PHF1: variants seen among roughly 807,000 people sequenced by gnomAD.
PHF1 encodes the protein PHD finger protein 1.
Under a neutral mutation model 69.4 loss-of-function variants are expected in PHF1, and 16 were observed. That is an observed-to-expected ratio of 0.23 (90% confidence interval 0.16 to 0.35). The LOEUF is 0.35. Ranked by LOEUF, PHF1 falls within the 10% of genes least tolerant of loss-of-function variation. PHF1 has a pLI of 1.00. For synonymous variants in PHF1, 274 were observed against 275.0 expected, an observed-to-expected ratio of 1.00 and a Z score of 0.04; for missense variants, 515 against 732.8, an observed-to-expected ratio of 0.70 and a Z score of 3.43.
intron 14 of PHF1, 67 bp from the exon 15 acceptor site, chr6:33,415,743 A>G (rs76139322): frequency 0.012 from 19,401 of 1,603,832 alleles, 280 homozygotes; most frequent in African/African-American, 0.057. Flanking sequence ...AGTCTCTAAC[A>G]CTGTTTCTCT....
At position 33,415,600 on chromosome 6, in the gene PHF1, C is replaced by G; in HGVS notation, c.1345C>G (p.Arg449Gly). The change falls in exon 14 of 15, where the codon CGG (arginine) becomes GGG (glycine). Residue 449 changes from arginine to glycine, a missense_variant. Transcript: ENST00000374516. ...DARCLPSSPI[R>G]MFASFHPSAS... ...CCACTCCAACCCCAGCAGCCCCATC[C>G]GGATGTTTGCTTCCTTCCACCCTTC... 2 of 1,614,014 alleles carry G rather than the reference C, an allele frequency of 1.2e-6. No individual in the cohort carries two copies. The highest frequency in any genetic ancestry group is 1.7e-6 in the Non-Finnish European group (2 of 1,179,948).
rs576149310 is a variant in PHF1 at position 33,412,164 on chromosome 6, G to GAA, written c.-16-69_-16-68dup. Reference sequence around the variant, plus strand: ...GCGACAGAGCAAAACTCCATCTCAGGAAAAAAAAAAAAAAAAGAAAAAGAA... The same window carrying GAA: ...GCGACAGAGCAAAACTCCATCTCAGGAAAAAAAAAAAAAAAAAAGAAAAAGAA... On this transcript the variant is annotated intron_variant, in intron 1 of 14. Transcript: ENST00000374516. The surrounding 1 kb of genome is among the most constrained non-coding windows in gnomAD (Gnocchi z 4.2). The GAA allele has an allele frequency of 4.8e-3, 3,929 of 820,730 alleles. No individual in the cohort carries two copies. The highest frequency in any genetic ancestry group is 0.01 in the African/African-American group (509 of 50,680). The allele number at this position is 820,730 out of a possible 1,614,324, so 50.8% of individuals were successfully genotyped here.
intron 13 of PHF1, 53 bp from the exon 14 acceptor site, chr6:33,415,537 A>T: frequency 3.2e-6 from 5 of 1,567,176 alleles, no homozygotes; most frequent in Non-Finnish European, 3.5e-6. Context: ...TCCCAGGGGG[A>T]GAAGGTCCTG....
Position 33,415,074 on chromosome 6 carries a change from C to T in PHF1, c.1169C>T (p.Pro390Leu), listed in dbSNP as rs1245224372. 1.2e-6 allele frequency: 2 copies of T among 1,611,710 alleles called. No homozygotes were observed. The highest frequency in any genetic ancestry group is 1.7e-6 in the Non-Finnish European group (2 of 1,178,972). The change falls in exon 12 of 15, where the codon CCC becomes CTC. Residue 390 changes from proline (P) to leucine (L), a missense_variant. Around this residue, in one of 5 missense-constraint regions of PHF1, gnomAD observed 274 missense variants for 304.5 expected, o/e 0.90. Coordinates refer to ENST00000374516, the MANE Select transcript of PHF1 (RefSeq NM_024165.3). Reference sequence around the variant, plus strand: ...GGGAAAGTGGAGGAGCTGGGGCCACCCTCAGCAGTGCGCAATCAGCCCGAG... The same window carrying T: ...GGGAAAGTGGAGGAGCTGGGGCCACTCTCAGCAGTGCGCAATCAGCCCGAG... ...QKGKVEELGP[P>L]SAVRNQPEPQ...
rs778291856 is a variant in PHF1, at chr6:33,414,501, C to T, written c.901C>T (p.Arg301Cys). 3.1e-6 allele frequency: 5 copies of T among 1,613,958 alleles called. No homozygotes were observed. The highest frequency in any genetic ancestry group is 1.7e-5 in the Admixed American group (1 of 60,012). The change falls in exon 10 of 15, where the codon CGT (arginine) becomes TGT (cysteine). Residue 301 changes from arginine to cysteine, a missense_variant. Physicochemically the swap from Arg to Cys is radical, Grantham distance 180 (BLOSUM62 -3). Transcript: ENST00000374516. This position sits in a 1 kb window ranked among gnomAD's most constrained non-coding sequence, Gnocchi z 5.0. ...GELSDTPKGERSSRLLSALNS... is the reference protein window; with the variant it reads ...GELSDTPKGECSSRLLSALNS... ...GCTTTCAGACACCCCCAAAGGAGAA[C>T]GTTCTTCCAGGCTCCTCTCTGCTCT...
At position 33,413,541 on chromosome 6, in the gene PHF1, T is replaced by C; in HGVS notation, c.571T>C (p.Cys191Arg). The C allele has an allele frequency of 6.2e-7, 1 of 1,614,178 alleles. No individual in the cohort carries two copies. The highest frequency in any genetic ancestry group is 8.5e-7 in the Non-Finnish European group (1 of 1,180,020). ...CAACCGACAGCAGAGTTACTGTTAC[T>C]GTGGTGGCCCTGGGGAGTGAGTAAT... Reference protein sequence around the residue: ...LSNRQQSYCYCGGPGEWNLKM... With the variant: ...LSNRQQSYCYRGGPGEWNLKM... The change falls in exon 6 of 15, where the codon TGT becomes CGT. Residue 191 changes from cysteine to arginine, a missense_variant. Physicochemically the swap from Cys to Arg is radical, Grantham distance 180 (BLOSUM62 -3). Transcript: ENST00000374516.
Position 33,414,578 on chromosome 6 carries a change from C to A in PHF1, c.944+34C>A, listed in dbSNP as rs1440933203. 3.7e-6 allele frequency: 6 copies of A among 1,606,642 alleles called. No individual in the cohort carries two copies. The highest frequency in any genetic ancestry group is 4.3e-6 in the Non-Finnish European group (5 of 1,173,452). ...GAGGGAAGAGGAGGCAAGGATGAGGCTCGGAAAGAGATGGAGAGTGGAAGC... is the reference window on the plus strand; with the variant it reads ...GAGGGAAGAGGAGGCAAGGATGAGGATCGGAAAGAGATGGAGAGTGGAAGC... On this transcript the variant is annotated intron_variant, in intron 10 of 14. Transcript: ENST00000374516. The surrounding 1 kb of genome is among the most constrained non-coding windows in gnomAD (Gnocchi z 5.0).
At chr6:33,410,457 C>T (rs1175451670), upstream of PHF1, 2 of 135,686 alleles carry the variant, frequency 1.5e-5, no homozygotes, top group East Asian at 2.3e-4. Context: ...TCCCTCGCGC[C>T]AACCGCCGAC....
At position 33,414,625 on chromosome 6, in the gene PHF1, A is replaced by G; in HGVS notation, c.944+81A>G. 6.5e-7 allele frequency: 1 copy of G among 1,539,348 alleles called. No homozygotes were observed. Among genetic ancestry groups the G allele is most frequent in the Non-Finnish European group, 8.9e-7 (1 of 1,125,710 alleles). ...AAGCCTGGAAGGGGAGGGGCTTGCA[A>G]CCCACCTGGAAGACTGTGACTGAAA... is the stretch of plus-strand genomic sequence containing the variant. On this transcript the variant is annotated intron_variant, in intron 10 of 14. Coordinates refer to ENST00000374516, the MANE Select transcript of PHF1 (RefSeq NM_024165.3). The surrounding 1 kb of genome is among the most constrained non-coding windows in gnomAD (Gnocchi z 5.0).
At chr6:33,415,482 T>C (rs774699588) in intron 13 of PHF1, 108 bp from the exon 14 acceptor site, 45 of 1,306,442 alleles carry the variant, frequency 3.4e-5, no homozygotes, top group Admixed American at 1.1e-4. Flanking sequence ...TAGCCAGTAT[T>C]CTGGGGAAGG....
intron 6 of PHF1, 67 bp from the exon 7 acceptor site, chr6:33,413,669 T>C: frequency 6.3e-7 from 1 of 1,598,478 alleles, no homozygotes; most frequent in East Asian, 2.2e-5. Flanking sequence ...AGGAGGTAAG[T>C]TTAGGGTTTG....
chr6:33,413,689 T>G, intron 6 of PHF1, 47 bp from the exon 7 acceptor site: 1 of 1,602,806 alleles, frequency 6.2e-7, no homozygotes, highest in Non-Finnish European at 8.5e-7. Context: ...GGGACAGTTA[T>G]GGGGAAGGGG....
At chr6:33,410,714 G>C (rs1196426088), upstream of PHF1, 1 of 144,762 alleles carries the variant, frequency 6.9e-6, no homozygotes, top group Non-Finnish European at 1.5e-5. Context: ...GCATGGGGCG[G>C]GGGACCAGGC....
rs1315194919 is a variant in PHF1, at chr6:33,414,125, C to A, written c.752+16C>A. Reference sequence around the variant, plus strand: ...AGCTTCGCTGGTGAGCTGGATTGGGCATGACCTCAGTGTAACTCCACACCA... The same window carrying A: ...AGCTTCGCTGGTGAGCTGGATTGGGAATGACCTCAGTGTAACTCCACACCA... On this transcript the variant is annotated intron_variant, in intron 8 of 14. Transcript: ENST00000374516. The surrounding 1 kb of genome is among the most constrained non-coding windows in gnomAD (Gnocchi z 5.0). 6.2e-7 allele frequency: 1 copy of A among 1,614,072 alleles called. No individual in the cohort carries two copies. The highest frequency in any genetic ancestry group is 8.5e-7 in the Non-Finnish European group (1 of 1,179,986).
Position 33,414,694 on chromosome 6 carries a change from T to C in PHF1, c.945-31T>C. 3.2e-6 allele frequency: 5 copies of C among 1,587,162 alleles called. No individual in the cohort carries two copies. Among genetic ancestry groups the C allele is most frequent in the Non-Finnish European group, 4.3e-6 (5 of 1,156,438 alleles). ...AAGGAGGAACCGTTTTTTACAGCAC[T>C]GACCCTATATCATTTCTCTTCTTGC... On this transcript the variant is annotated intron_variant, in intron 10 of 14. Coordinates refer to ENST00000374516, the MANE Select transcript of PHF1 (RefSeq NM_024165.3). This position sits in a 1 kb window ranked among gnomAD's most constrained non-coding sequence, Gnocchi z 5.0.
rs781693450 is a variant in PHF1 at position 33,412,689 on chromosome 6, C to G, written c.242-9C>G. 1 of 1,613,448 alleles carries G rather than the reference C, an allele frequency of 6.2e-7. No homozygotes were observed. ...AAGGCAGGCCCTGTGACACTGTGTT[C>G]TCTCACAGCTGCCCTCCCTGGAGAG... is the stretch of plus-strand genomic sequence containing the variant. On this transcript the variant is annotated splice_polypyrimidine_tract_variant and intron_variant, in intron 3 of 14. Coordinates refer to ENST00000374516, the MANE Select transcript of PHF1 (RefSeq NM_024165.3). This position sits in a 1 kb window ranked among gnomAD's most constrained non-coding sequence, Gnocchi z 4.2.
chr6:33,412,565 G>A lies in PHF1; in HGVS notation c.217G>A (p.Val73Ile). 6.2e-7 allele frequency: 1 copy of A among 1,614,220 alleles called. No individual in the cohort carries two copies. Among genetic ancestry groups the A allele is most frequent in the Non-Finnish European group, 8.5e-7 (1 of 1,180,044 alleles). Residue 73 changes from valine (V) to isoleucine (I), a missense_variant, in exon 3 of 15, where the codon GTT (valine) becomes ATT (isoleucine). Coordinates refer to ENST00000374516, the MANE Select transcript of PHF1 (RefSeq NM_024165.3). This position sits in a 1 kb window ranked among gnomAD's most constrained non-coding sequence, Gnocchi z 4.2. ...VQFEDDSQFL[V>I]LWKDISPAAL... is the part of the protein sequence containing the mutation. Reference sequence around the variant, plus strand: ...GTTTGAGGATGATTCGCAGTTTCTGGTTCTATGGAAAGACATTAGCCCTGG... The same window carrying A: ...GTTTGAGGATGATTCGCAGTTTCTGATTCTATGGAAAGACATTAGCCCTGG...
chr6:33,412,741 T>C lies in PHF1; in HGVS notation c.285T>C (p.Ser95=). Residue 95 remains serine (S), a synonymous_variant, in exon 4 of 15, where the codon TCT becomes TCC. Coordinates refer to ENST00000374516, the MANE Select transcript of PHF1 (RefSeq NM_024165.3). This position sits in a 1 kb window ranked among gnomAD's most constrained non-coding sequence, Gnocchi z 4.2. The stretch of plus-strand genomic sequence containing the variant: ...AACTCCTCTGTTGTGTCTGTCGCTC[T>C]GAGACTGTGGTCCCTGGGAACCGGC... ...GEELLCCVCR[S]ETVVPGNRLV... 1 of 1,614,138 alleles carries C rather than the reference T, an allele frequency of 6.2e-7. No homozygotes were observed. The highest frequency in any genetic ancestry group is 8.5e-7 in the Non-Finnish European group (1 of 1,180,020).
Position 33,415,292 on chromosome 6 carries a change from T to G in PHF1, c.1297T>G (p.Tyr433Asp), listed in dbSNP as rs1345090478. 6.2e-7 allele frequency: 1 copy of G among 1,613,684 alleles called. No individual in the cohort carries two copies. Among genetic ancestry groups the G allele is most frequent in the Non-Finnish European group, 8.5e-7 (1 of 1,179,890 alleles). ...CCAGAGTTACCAGGGCAGCAGCGGC[T>G]ACAACTTCCGGCCCACAGATGCCCG... ...PNQSYQGSSG[Y>D]NFRPTDARCL... The change falls in exon 13 of 15, where the codon TAC (tyrosine) becomes GAC (aspartate). Residue 433 changes from tyrosine (Y) to aspartate (D), a missense_variant. Tyr to Asp is a radical substitution (Grantham distance 160, BLOSUM62 -3). This residue lies in a region of PHF1 where 274 missense variants were observed against 304.5 expected (regional missense o/e 0.90). Coordinates refer to ENST00000374516, the MANE Select transcript of PHF1 (RefSeq NM_024165.3).
Sources: allele counts gnomAD v4.1 joint callset, GRCh38; gene constraint gnomAD v4.1.1; regional missense constraint gnomAD v4.1.1; non-coding constraint Gnocchi (gnomAD v3.1); transcripts MANE v1.5; gene names NCBI Gene and HGNC (gene_info 2026-07-23, HGNC 2026-07-21).